Variants in BRK1 observed in about 807,000 individuals in gnomAD.
BRK1 encodes protein BRICK1.
A neutral mutation model predicts 9.9 loss-of-function variants in BRK1; 6 were observed. The observed-to-expected ratio is 0.60, with a 90% CI of 0.33 to 1.19. BRK1 has a LOEUF of 1.19. Ranked by LOEUF, BRK1 falls within the 50% of genes most tolerant of loss-of-function variation. The pLI is 0.04. For missense variants in BRK1, 62 were observed against 97.5 expected, an observed-to-expected ratio of 0.64 and a Z score of 1.53; for synonymous variants, 44 against 31.9, an observed-to-expected ratio of 1.38 and a Z score of -1.28.
chr3:10,120,611 A>T (rs977767375), intron 1 of BRK1, among the ~76,000 whole-genome samples: 2 of 152,250 alleles, frequency 1.3e-5, no homozygotes, highest in Non-Finnish European at 2.9e-5. Context: ...AAGGCTGGTG[A>T]TAATGTACAC....
Position 10,126,970 on chromosome 3 carries a change from A to T in BRK1, c.*675A>T, listed in dbSNP as rs1211562919. The T allele has an allele frequency of 6.6e-6, 1 of 152,622 alleles. No individual in the cohort carries two copies. The highest frequency in any genetic ancestry group is 1.5e-5 in the Non-Finnish European group (1 of 68,038). The allele number at this position is 152,622 out of a possible 1,614,324, so 9.5% of individuals were successfully genotyped here. On this transcript the variant is annotated 3_prime_UTR_variant, in exon 3 of 3. Transcript: ENST00000530758. ...AGAGGAGCTAGAGATGGGTTCACTTATTGCACAGAAATGTAATACATGGCG... is the reference window on the plus strand; with the variant it reads ...AGAGGAGCTAGAGATGGGTTCACTTTTTGCACAGAAATGTAATACATGGCG...
At chr3:10,120,087 T>C (rs963494422) in intron 1 of BRK1, among the ~76,000 whole-genome samples, 14 of 152,158 alleles carry the variant, frequency 9.2e-5, no homozygotes, top group African/African-American at 3.4e-4. Flanking sequence ...TGGAGTGCAG[T>C]GGTGCAATCT....
intron 1 of BRK1, among the ~76,000 whole-genome samples, chr3:10,120,701 T>C (rs1372486159): frequency 1.3e-5 from 2 of 152,210 alleles, no homozygotes; most frequent in East Asian, 1.9e-4. Context: ...CGTATACTTA[T>C]TAGGATTTGA....
At chr3:10,125,356 A>G (rs906684411) in intron 1 of BRK1, among the ~76,000 whole-genome samples, 4 of 151,950 alleles carry the variant, frequency 2.6e-5, no homozygotes, top group Admixed American at 2.0e-4. Context: ...CCACCCGCCT[A>G]GTCCTCCCAA....
Position 10,126,348 on chromosome 3 carries a change from G to T in BRK1, c.*53G>T. 6.6e-7 allele frequency: 1 copy of T among 1,517,118 alleles called. No individual in the cohort carries two copies. The allele number at this position is 1,517,118 out of a possible 1,614,324, so 94.0% of individuals were successfully genotyped here. ...TGCTTTACACAACACAGGCCACATG[G>T]GAAAGGCCCCAGCAGCCTTCAGCTC... On this transcript the variant is annotated 3_prime_UTR_variant, in exon 3 of 3. Transcript: ENST00000530758.
Position 10,126,373 on chromosome 3 carries a change from C to A in BRK1, c.*78C>A. The A allele has an allele frequency of 7.8e-7, 1 of 1,275,192 alleles. No individual in the cohort carries two copies. Among genetic ancestry groups the A allele is most frequent in the Non-Finnish European group, 1.1e-6 (1 of 912,284 alleles). 79.0% of individuals were successfully genotyped at this position (1,275,192 alleles called of 1,614,324 possible). On this transcript the variant is annotated 3_prime_UTR_variant, in exon 3 of 3. Coordinates refer to ENST00000530758, the MANE Select transcript of BRK1 (RefSeq NM_018462.5). ...GGAAAGGCCCCAGCAGCCTTCAGCT[C>A]CTTCCTTTCTCCTTAAAGAGCAACA...
intron 1 of BRK1, among the ~76,000 whole-genome samples, chr3:10,124,021 CA>C (rs938661693): frequency 2.0e-5 from 3 of 151,992 alleles, no homozygotes; most frequent in Non-Finnish European, 4.4e-5. Context: ...AGGCGTGAGC[CA>C]TCACGCCCAG....
rs942309656 is a variant in BRK1, at chr3:10,126,642, T to C, written c.*347T>C. 4.3e-6 allele frequency: 1 copy of C among 233,230 alleles called. No homozygotes were observed. The highest frequency in any genetic ancestry group is 5.3e-5 in the Admixed American group (1 of 18,744). 14.4% of individuals were successfully genotyped at this position (233,230 alleles called of 1,614,324 possible). A position where few individuals can be genotyped will look rare whatever the true frequency, so the allele number is the denominator to read the frequency against. ...CTTTCTTTCTCTCTCTCTCAAACTT[T>C]CCTTAAAGTTCTCATTGCCTTTGCA... On this transcript the variant is annotated 3_prime_UTR_variant, in exon 3 of 3. Coordinates refer to ENST00000530758, the MANE Select transcript of BRK1 (RefSeq NM_018462.5).
chr3:10,124,327 G>T (rs2125118767), intron 1 of BRK1, among the ~76,000 whole-genome samples: 1 of 151,596 alleles, frequency 6.6e-6, no homozygotes, highest in East Asian at 1.9e-4. Context: ...GGGCATGGTG[G>T]CGCACACCTG....
At position 10,125,638 on chromosome 3, in the gene BRK1, G is replaced by A. The variant is rs766384866; in HGVS notation, c.131G>A (p.Arg44His). The change falls in exon 2 of 3, where the codon CGT becomes CAT. Residue 44 changes from arginine (R) to histidine (H), a missense_variant. Coordinates refer to ENST00000530758, the MANE Select transcript of BRK1 (RefSeq NM_018462.5). The stretch of plus-strand genomic sequence containing the variant: ...CTCTTTTTCTCAGATATGTCTTGTC[G>A]TTCAAGACTTGCAACACTAAACGAG... ...DFLNSFDMSC[R>H]SRLATLNEKL... 9.9e-6 allele frequency: 16 copies of A among 1,610,348 alleles called. No individual in the cohort carries two copies. The highest frequency in any genetic ancestry group is 1.7e-5 in the Admixed American group (1 of 59,578).
At chr3:10,118,230 G>A (rs1405586222) in intron 1 of BRK1, among the ~76,000 whole-genome samples, 1 of 139,600 alleles carries the variant, frequency 7.2e-6, no homozygotes, top group Non-Finnish European at 1.5e-5. Flanking sequence ...TGCAGCTTGG[G>A]CAAAAGACGA....
Position 10,126,477 on chromosome 3 carries a change from A to C in BRK1, c.*182A>C. 1 of 514,680 alleles carries C rather than the reference A, an allele frequency of 1.9e-6. No individual in the cohort carries two copies. The highest frequency in any genetic ancestry group is 3.4e-6 in the Non-Finnish European group (1 of 291,690). 31.9% of individuals were successfully genotyped at this position (514,680 alleles called of 1,614,324 possible). A position where few individuals can be genotyped will look rare whatever the true frequency, so the allele number is the denominator to read the frequency against. ...CTGGGGTGTGGTGTGGTATGTGGGA[A>C]GAAGTTCAGAGGAACCGTTGGAAAC... On this transcript the variant is annotated 3_prime_UTR_variant, in exon 3 of 3. Transcript: ENST00000530758.
chr3:10,121,920 C>T (rs1443255017), intron 1 of BRK1, among the ~76,000 whole-genome samples: 2 of 127,786 alleles, frequency 1.6e-5, no homozygotes, highest in African/African-American at 3.0e-5. Flanking sequence ...GATGGAGTCT[C>T]GCTCTGTTGC....
chr3:10,118,818 C>T (rs926890471), intron 1 of BRK1, among the ~76,000 whole-genome samples: 13 of 152,134 alleles, frequency 8.5e-5, no homozygotes, highest in African/African-American at 3.1e-4. Flanking sequence ...AAAAGTTATA[C>T]AGTATGCCTA....
At position 10,126,392 on chromosome 3, in the gene BRK1, A is replaced by C; in HGVS notation, c.*97A>C. The C allele has an allele frequency of 1.9e-6, 2 of 1,068,888 alleles. No individual in the cohort carries two copies. Among genetic ancestry groups the C allele is most frequent in the Non-Finnish European group, 2.7e-6 (2 of 727,826 alleles). The allele number at this position is 1,068,888 out of a possible 1,614,324, so 66.2% of individuals were successfully genotyped here. ...TCAGCTCCTTCCTTTCTCCTTAAAG[A>C]GCAACAGGGCTTATTCTTGTTTTTC... is the stretch of plus-strand genomic sequence containing the variant. On this transcript the variant is annotated 3_prime_UTR_variant, in exon 3 of 3. Coordinates refer to ENST00000530758, the MANE Select transcript of BRK1 (RefSeq NM_018462.5).
At chr3:10,121,882 CTTTTTTT>C (rs911888155) in intron 1 of BRK1, among the ~76,000 whole-genome samples, 1 of 88,108 alleles carries the variant, frequency 1.1e-5, no homozygotes, top group Non-Finnish European at 2.1e-5. Flanking sequence ...CACCCGGCCA[CTTTTTTT>C]TTTTTTTTTT....
chr3:10,125,613 C>T lies in BRK1; in HGVS notation c.119-13C>T. On this transcript the variant is annotated splice_polypyrimidine_tract_variant and intron_variant, in intron 1 of 2. Coordinates refer to ENST00000530758, the MANE Select transcript of BRK1 (RefSeq NM_018462.5). Reference sequence around the variant, plus strand: ...AGTGACATTAATCCTGAACACCAGTCTCTTTTTCTCAGATATGTCTTGTCG... The same window carrying T: ...AGTGACATTAATCCTGAACACCAGTTTCTTTTTCTCAGATATGTCTTGTCG... 1 of 1,583,334 alleles carries T rather than the reference C, an allele frequency of 6.3e-7. No homozygotes were observed. The highest frequency in any genetic ancestry group is 8.6e-7 in the Non-Finnish European group (1 of 1,156,566).
intron 1 of BRK1, among the ~76,000 whole-genome samples, chr3:10,123,175 G>T (rs1397625771): frequency 6.6e-6 from 1 of 152,202 alleles, no homozygotes; most frequent in Non-Finnish European, 1.5e-5. Context: ...CAGAGAAAAA[G>T]TTGTTTTAAA....
chr3:10,125,989 G>T (rs567655077), intron 2 of BRK1, among the ~76,000 whole-genome samples: 1 of 152,266 alleles, frequency 6.6e-6, no homozygotes, highest in African/African-American at 2.4e-5. Context: ...TACTCGGGAG[G>T]CTGAGGCAGG....
Sources: gnomAD v4.1 joint callset for allele counts (sites outside exome capture counted in the v4.1 genomes callset) on GRCh38, gnomAD v4.1.1 for gene constraint, MANE v1.5 for transcripts, NCBI Gene and HGNC (gene_info 2026-07-23, HGNC 2026-07-21) for gene names.